The following XKR9 variants were observed in gnomAD, a reference collection of about 807,000 sequenced individuals.
XKR9 encodes the protein XK-related protein 9.
Under a neutral mutation model 32.0 loss-of-function variants are expected in XKR9, and 32 were observed. That is an observed-to-expected ratio of 1.00 (90% CI 0.76 to 1.34). The LOEUF (loss-of-function observed/expected upper bound fraction) is 1.34. XKR9 is among the 40% of genes most tolerant of loss of function. The pLI is 0.00. For missense variants in XKR9, 546 were observed against 429.7 expected, an observed-to-expected ratio of 1.27 and a Z score of -2.39; for synonymous variants, 168 against 143.4, an observed-to-expected ratio of 1.17 and a Z score of -1.22.
chr8:70,764,310 G>A lies in XKR9; in HGVS notation n.353-25029G>A, dbSNP rs189483933. Reference sequence around the variant, plus strand: ...CAGTTTTGCAATGGAGTCCCAAAGGGCCAAAAACCTCTTTTACTCTCAACA... The same window carrying A: ...CAGTTTTGCAATGGAGTCCCAAAGGACCAAAAACCTCTTTTACTCTCAACA... On this transcript the variant is annotated intron_variant and non_coding_transcript_variant, in intron 2 of 3. Coordinates refer to the XKR9 transcript ENST00000520273. Among the ~76,000 whole-genome samples, 453 of 152,158 alleles carry A rather than the reference G, an allele frequency of 3.0e-3. 1 individual carries two copies. The highest frequency in any genetic ancestry group is 0.01 in the African/African-American group (431 of 41,516).
intron 2 of XKR9, among the ~76,000 whole-genome samples, chr8:70,786,005 A>C (rs549855987): frequency 6.6e-6 from 1 of 151,968 alleles, no homozygotes; most frequent in South Asian, 2.1e-4. Context: ...GATAGTTTTA[A>C]ATTTCCCTTT....
downstream of XKR9, among the ~76,000 whole-genome samples, chr8:70,794,849 G>GTGTGTGTGTGTGT (rs1563483072): frequency 6.6e-6 from 1 of 150,482 alleles, no homozygotes; most frequent in African/African-American, 2.4e-5. Flanking sequence ...GTGTGTGTGT[G>GTGTGTGTGTGTGT]GTATATTTGT....
At chr8:70,866,628 C>T in the XKR9 span, among the ~76,000 whole-genome samples, 1 of 151,418 alleles carries the variant, frequency 6.6e-6, no homozygotes, top group African/African-American at 2.4e-5. Flanking sequence ...TTTAGACAGT[C>T]TAGTGCCACC....
chr8:70,988,086 C>A, the XKR9 span, among the ~76,000 whole-genome samples: 1 of 152,100 alleles, frequency 6.6e-6, no homozygotes, highest in Non-Finnish European at 1.5e-5. Context: ...GTCAATGAAA[C>A]AACTTTTCCT....
chr8:70,808,169 T>G, the XKR9 span, among the ~76,000 whole-genome samples: 5 of 152,086 alleles, frequency 3.3e-5, no homozygotes, highest in Non-Finnish European at 7.4e-5. Context: ...GAATGACTCC[T>G]GGGTAAATAA....
chr8:70,683,273 C>A (rs1032687678), intron 3 of XKR9, among the ~76,000 whole-genome samples: 4 of 152,048 alleles, frequency 2.6e-5, no homozygotes, highest in African/African-American at 9.7e-5. Flanking sequence ...AATTTAAAGA[C>A]CTCAAAACAA....
In XKR9 at chr8:70,750,144, G is replaced by A. The variant is rs547793834; in HGVS notation, n.353-39195G>A. Among the ~76,000 whole-genome samples, 18 of 152,152 alleles carry A rather than the reference G, an allele frequency of 1.2e-4. No homozygotes were observed. The South Asian group carries it at 3.5e-3, about 30-fold the overall frequency. ...GCCCCTTTAGTTATTGTTGCTTTAA[G>A]GTTAAACAATGGTTTTATTTATAGT... On this transcript the variant is annotated intron_variant and non_coding_transcript_variant, in intron 2 of 3. Transcript: ENST00000520273.
the XKR9 span, among the ~76,000 whole-genome samples, chr8:70,874,180 A>G: frequency 5.3e-5 from 8 of 152,194 alleles, no homozygotes; most frequent in Non-Finnish European, 1.5e-5. Context: ...AGTTTGTGTG[A>G]CTTACTTTAT....
At chr8:70,692,220 T>G (rs1277523234) in intron 3 of XKR9, among the ~76,000 whole-genome samples, 1 of 152,032 alleles carries the variant, frequency 6.6e-6, no homozygotes, top group Non-Finnish European at 1.5e-5. Context: ...CTCAGTTTGG[T>G]TGTTGTTGGT....
the XKR9 span, among the ~76,000 whole-genome samples, chr8:71,011,207 A>G: frequency 6.6e-6 from 1 of 152,086 alleles, no homozygotes. Flanking sequence ...TTTATAGGAG[A>G]CAGTTTATGT....
the XKR9 span, among the ~76,000 whole-genome samples, chr8:70,913,028 A>G: frequency 6.6e-6 from 1 of 152,188 alleles, no homozygotes; most frequent in South Asian, 2.1e-4. Flanking sequence ...CTAACAGTTC[A>G]GGAAATTAAA....
At chr8:70,920,260 A>G in the XKR9 span, among the ~76,000 whole-genome samples, 1 of 152,222 alleles carries the variant, frequency 6.6e-6, no homozygotes, top group Non-Finnish European at 1.5e-5. Context: ...CACAGCATCT[A>G]AGAGTGGAAT....
At chr8:70,829,823 T>G in the XKR9 span, among the ~76,000 whole-genome samples, 3 of 152,198 alleles carry the variant, frequency 2.0e-5, no homozygotes, top group South Asian at 6.2e-4. Flanking sequence ...TCACCTGAGT[T>G]AATACTCCAT....
the XKR9 span, among the ~76,000 whole-genome samples, chr8:70,863,393 T>C: frequency 1.8e-4 from 27 of 152,322 alleles, no homozygotes; most frequent in African/African-American, 6.3e-4. Flanking sequence ...GACACTAATT[T>C]AAAGTTGTGT....
At chr8:71,057,112 G>A in the XKR9 span, among the ~76,000 whole-genome samples, 6 of 152,174 alleles carry the variant, frequency 3.9e-5, no homozygotes, top group African/African-American at 1.4e-4. Context: ...ATCAGCACAA[G>A]GAGCATTTGT....
At chr8:70,896,986 A>AT in the XKR9 span, among the ~76,000 whole-genome samples, 2 of 151,876 alleles carry the variant, frequency 1.3e-5, no homozygotes, top group African/African-American at 2.4e-5. Context: ...ATTCTAACCA[A>AT]TTTTTTGTAC....
chr8:71,034,883 A>G, the XKR9 span, among the ~76,000 whole-genome samples: 1 of 152,190 alleles, frequency 6.6e-6, no homozygotes, highest in African/African-American at 2.4e-5. Flanking sequence ...TCACTGGAAT[A>G]TCTATCTTTC....
At chr8:70,706,150 CTT>C (rs1395164472) in intron 3 of XKR9, among the ~76,000 whole-genome samples, 1 of 152,082 alleles carries the variant, frequency 6.6e-6, no homozygotes, top group Non-Finnish European at 1.5e-5. Flanking sequence ...TATATAAAGA[CTT>C]TTGATAAGCT....
downstream of XKR9, among the ~76,000 whole-genome samples, chr8:70,740,655 C>T (rs1394015510): frequency 6.6e-6 from 1 of 152,004 alleles, no homozygotes; most frequent in Non-Finnish European, 1.5e-5. Context: ...GTGTGGATGT[C>T]CTTTCTGTTT....
Sources: gnomAD v4.1 joint callset for allele counts (sites outside exome capture counted in the v4.1 genomes callset) on GRCh38, gnomAD v4.1.1 for gene constraint, MANE v1.5 for transcripts, NCBI Gene and HGNC (gene_info 2026-07-23, HGNC 2026-07-21) for gene names.